RGS20: variants seen among roughly 807,000 people sequenced by gnomAD.
The protein encoded by RGS20 is regulator of G protein signaling 20.
In RGS20, 30 loss-of-function variants were observed where a neutral mutation model predicts 33.6. The ratio of observed to expected loss-of-function variants is 0.89; its 90% CI spans 0.67 to 1.21. The LOEUF is 1.21. Among genes scored for constraint, RGS20 ranks in the 50% most tolerant of loss-of-function variants. The pLI is 0.00. For synonymous variants in RGS20, 208 were observed against 197.9 expected, an observed-to-expected ratio of 1.05 and a Z score of -0.43; for missense variants, 472 against 502.4, an observed-to-expected ratio of 0.94 and a Z score of 0.58.
chr8:53,950,169 G>T (rs938417918), intron 4 of RGS20, among the ~76,000 whole-genome samples: 1 of 151,860 alleles, frequency 6.6e-6, no homozygotes, highest in Non-Finnish European at 1.5e-5. Flanking sequence ...GAAATGACCT[G>T]GAAGATTTGA....
intron 2 of RGS20, among the ~76,000 whole-genome samples, chr8:53,929,817 G>A (rs1020189132): frequency 2.0e-5 from 3 of 152,172 alleles, no homozygotes; most frequent in Admixed American, 6.5e-5. Flanking sequence ...AGATAGGTGT[G>A]TATAAACAAA....
intron 2 of RGS20, among the ~76,000 whole-genome samples, chr8:53,900,489 C>A (rs986594949): frequency 2.2e-4 from 33 of 152,040 alleles, no homozygotes; most frequent in African/African-American, 8.0e-4. Context: ...TATTACTCAT[C>A]GTATTTTTAC....
chr8:53,905,509 G>A (rs1006755663), intron 2 of RGS20, among the ~76,000 whole-genome samples: 3 of 152,122 alleles, frequency 2.0e-5, no homozygotes, highest in Non-Finnish European at 4.4e-5. Flanking sequence ...CAGGATAATG[G>A]GCCAGCGTCC....
At chr8:53,949,541 AC>A (rs34944428) in intron 4 of RGS20, among the ~76,000 whole-genome samples, 2 of 151,726 alleles carry the variant, frequency 1.3e-5, no homozygotes, top group African/African-American at 4.8e-5. Context: ...ACATGGTGAA[AC>A]CCCTTTTCTA....
chr8:53,902,404 C>T (rs1452877904), intron 2 of RGS20, among the ~76,000 whole-genome samples: 3 of 152,190 alleles, frequency 2.0e-5, no homozygotes, highest in Non-Finnish European at 4.4e-5. Context: ...ATACCAAGGC[C>T]TGGAATGGCT....
chr8:53,895,961 C>A (rs1028737352), intron 2 of RGS20, among the ~76,000 whole-genome samples: 7 of 149,876 alleles, frequency 4.7e-5, no homozygotes, highest in Non-Finnish European at 1.5e-5. Context: ...ATGGTTTTTA[C>A]ATTTTTTAAT....
In RGS20 at chr8:53,949,984, C is replaced by T. The variant is rs571938701; in HGVS notation, c.743+3236C>T. ...CCTCCCAAGTAACTGGGATTACAGGCGCCCACCACCATGCCCAGCTAATTT... is the reference window on the plus strand; with the variant it reads ...CCTCCCAAGTAACTGGGATTACAGGTGCCCACCACCATGCCCAGCTAATTT... On this transcript the variant is annotated intron_variant, in intron 4 of 5. Coordinates refer to ENST00000297313, the MANE Select transcript of RGS20 (RefSeq NM_170587.4). Among the ~76,000 whole-genome samples the T allele has an allele frequency of 3.3e-5, 5 of 151,782 alleles. No individual in the cohort carries two copies. The East Asian group carries it at 5.9e-4, about 18-fold the overall frequency.
Position 53,958,472 on chromosome 8 carries a change from TA to T in RGS20, c.*15del. ...ATTGAAGCATAGGATTTTTCAAATA[TA>T]TTTATTATTAATAAAATAATAAAAG... On this transcript the variant is annotated 3_prime_UTR_variant, in exon 6 of 6. Transcript: ENST00000297313. The T allele has an allele frequency of 7.6e-7, 1 of 1,310,370 alleles. No homozygotes were observed. The highest frequency in any genetic ancestry group is 1.0e-6 in the Non-Finnish European group (1 of 1,002,356). 81.2% of individuals were successfully genotyped at this position (1,310,370 alleles called of 1,614,324 possible).
rs904743749 is a variant in RGS20 at position 53,877,536 on chromosome 8, G to A, written c.166-1722G>A. ...AGCTCGTTCCCTGGGCGCCAAGACC[G>A]ATTTCCAAGTCGCCCACTTTCCCCC... On this transcript the variant is annotated intron_variant, in intron 1 of 5. Coordinates refer to ENST00000297313, the MANE Select transcript of RGS20 (RefSeq NM_170587.4). The surrounding 1 kb of genome is among the most constrained non-coding windows in gnomAD (Gnocchi z 5.7). Among the ~76,000 whole-genome samples the A allele has an allele frequency of 6.6e-6, 1 of 152,220 alleles. No homozygotes were observed. The highest frequency in any genetic ancestry group is 2.1e-4 in the South Asian group (1 of 4,838).
At chr8:53,945,727 C>A (rs1188434393) in intron 3 of RGS20, among the ~76,000 whole-genome samples, 4 of 151,954 alleles carry the variant, frequency 2.6e-5, no homozygotes, top group Non-Finnish European at 5.9e-5. Context: ...ACCAGCCTGG[C>A]CAACATGGTG....
chr8:53,924,349 G>A (rs1325951868), intron 2 of RGS20, among the ~76,000 whole-genome samples: 7 of 151,834 alleles, frequency 4.6e-5, no homozygotes, highest in African/African-American at 1.7e-4. Flanking sequence ...CACCACGCCC[G>A]GCTAATTTTT....
intron 1 of RGS20, among the ~76,000 whole-genome samples, chr8:53,872,672 T>C (rs1024610032): frequency 2.0e-5 from 3 of 152,166 alleles, no homozygotes; most frequent in African/African-American, 4.8e-5. Flanking sequence ...AGAATGAGAC[T>C]AGGCAATGTC....
chr8:53,865,325 A>G (rs1160282099), intron 1 of RGS20, among the ~76,000 whole-genome samples: 1 of 152,208 alleles, frequency 6.6e-6, no homozygotes, highest in Non-Finnish European at 1.5e-5. Context: ...TTCAGGGTCT[A>G]CTCATGCAAT....
chr8:53,946,868 C>T, intron 4 of RGS20, 120 bp downstream of exon 3: 1 of 761,764 alleles, frequency 1.3e-6, no homozygotes, highest in Non-Finnish European at 2.1e-6. Flanking sequence ...TAGTAATATC[C>T]AATCATTATG....
intron 4 of RGS20, among the ~76,000 whole-genome samples, chr8:53,948,211 A>G (rs531336593): frequency 0.018 from 1,510 of 85,662 alleles, 37 homozygotes; most frequent in African/African-American, 0.045. Flanking sequence ...TGCTATATAT[A>G]AGATAGTATA....
intron 2 of RGS20, among the ~76,000 whole-genome samples, chr8:53,917,654 A>G (rs948217945): frequency 3.9e-5 from 6 of 152,216 alleles, no homozygotes; most frequent in Admixed American, 3.9e-4. Flanking sequence ...CTGTTGTCCC[A>G]GCACTTTGGG....
At chr8:53,888,363 G>T (rs527849268) in intron 2 of RGS20, among the ~76,000 whole-genome samples, 1 of 152,268 alleles carries the variant, frequency 6.6e-6, no homozygotes, top group South Asian at 2.1e-4. Context: ...ATTTACTTGA[G>T]TTATAACTTA....
rs564949570 is a variant in RGS20 at position 53,936,264 on chromosome 8, G to A, written c.511-3312G>A. Among the ~76,000 whole-genome samples, 3 of 152,292 alleles carry A rather than the reference G, an allele frequency of 2.0e-5. No homozygotes were observed. The East Asian group carries it at 5.8e-4, about 29-fold the overall frequency. The stretch of plus-strand genomic sequence containing the variant: ...TTCTGGCCAGGGCAATCAGGCAAGA[G>A]AAAGAAATAAATGGTATCCAAATAG... On this transcript the variant is annotated intron_variant, in intron 2 of 5. Transcript: ENST00000297313.
intron 1 of RGS20, among the ~76,000 whole-genome samples, chr8:53,862,999 T>C (rs1464531394): frequency 1.3e-5 from 2 of 152,182 alleles, no homozygotes; most frequent in Non-Finnish European, 2.9e-5. Flanking sequence ...TCTTTTCTTT[T>C]GTTTTTGAGA....
Sources: gnomAD v4.1 joint callset for allele counts (sites outside exome capture counted in the v4.1 genomes callset) on GRCh38, gnomAD v4.1.1 for gene constraint, Gnocchi (gnomAD v3.1) non-coding constraint, MANE v1.5 for transcripts, NCBI Gene and HGNC (gene_info 2026-07-23, HGNC 2026-07-21) for gene names.